TACR3: variants seen among roughly 807,000 people sequenced by gnomAD.
TACR3 encodes neuromedin-K receptor.
A neutral mutation model predicts 35.0 loss-of-function variants in TACR3; 34 were observed. The observed-to-expected ratio is 0.97, with a 90% CI of 0.74 to 1.30. The LOEUF (loss-of-function observed/expected upper bound fraction) is 1.30. TACR3 is among the 50% of genes most tolerant of loss of function. The probability of loss-of-function intolerance (pLI) is 0.00; values close to 1 mark genes in which losing one functional copy is unlikely to be tolerated. For missense variants in TACR3, 558 were observed against 591.7 expected (o/e 0.94, Z 0.59); for synonymous variants, 233 against 221.1 (o/e 1.05, Z -0.48).
At chr4:103,638,354 T>G (rs1725248451) in intron 3 of TACR3, among the ~76,000 whole-genome samples, 1 of 151,954 alleles carries the variant, frequency 6.6e-6, no homozygotes, top group Non-Finnish European at 1.5e-5. Flanking sequence ...ATTCCCTATT[T>G]AATCAATGGT....
intron 1 of TACR3, among the ~76,000 whole-genome samples, chr4:103,670,732 T>C: frequency 6.6e-6 from 1 of 152,146 alleles, no homozygotes; most frequent in Middle Eastern, 3.4e-3. Flanking sequence ...AGTCTTTAGG[T>C]TTTCTAAATA....
At chr4:103,611,032 G>C (rs910231340) in intron 3 of TACR3, among the ~76,000 whole-genome samples, 6 of 152,012 alleles carry the variant, frequency 3.9e-5, no homozygotes, top group African/African-American at 1.4e-4. Flanking sequence ...TTTGTTTTTA[G>C]TATATTTTAA....
In TACR3 at chr4:103,719,452, G is replaced by A. The variant is rs756497125; in HGVS notation, c.224C>T (p.Thr75Ile). The A allele has an allele frequency of 3.7e-6, 6 of 1,614,270 alleles. No individual in the cohort carries two copies. The highest frequency in any genetic ancestry group is 5.1e-6 in the Non-Finnish European group (6 of 1,180,044). ...PAPSQPWANL[T>I]NQFVQPSWRI... is the part of the protein sequence containing the mutation. ...CCAGGACGGCTGCACGAACTGGTTG[G>A]TGAGGTTGGCCCAGGGCTGGGAGGG... is the stretch of plus-strand genomic sequence containing the variant. Residue 75 changes from threonine to isoleucine, a missense_variant, in exon 1 of 5, where the codon ACC becomes ATC. Coordinates refer to ENST00000304883, the MANE Select transcript of TACR3 (RefSeq NM_001059.3).
At position 103,644,082 on chromosome 4, in the gene TACR3, C is replaced by T. The variant is rs964877156; in HGVS notation, c.888+12112G>A. 1.1e-4 allele frequency among the ~76,000 whole-genome samples: 16 copies of T among 151,666 alleles called. 1 individual carries two copies. Among genetic ancestry groups the T allele is most frequent in the African/African-American group, 3.9e-4 (16 of 41,342 alleles). On this transcript the variant is annotated intron_variant, in intron 3 of 4. Transcript: ENST00000304883. ...GGCCTTTCAAAGTGTTTCACATTTA[C>T]TGCCACACATAGAGAGCAGGATTTA...
At chr4:103,591,891 T>G (rs1299036404) in intron 3 of TACR3, among the ~76,000 whole-genome samples, 1 of 152,112 alleles carries the variant, frequency 6.6e-6, no homozygotes, top group Non-Finnish European at 1.5e-5. Context: ...CATTTCTACC[T>G]ATCTAAGTGA....
rs574393317 is a variant in TACR3, at chr4:103,604,542, G to A, written c.889-12859C>T. ...AACAAAAGCCAAAATTGACAAATGG[G>A]ATCTAAATTAAACTAAAGAGCTTCT... On this transcript the variant is annotated intron_variant, in intron 3 of 4. Transcript: ENST00000304883. Among the ~76,000 whole-genome samples, 28 of 152,204 alleles carry A rather than the reference G, an allele frequency of 1.8e-4. No homozygotes were observed. The South Asian group carries it at 5.8e-3, about 32-fold the overall frequency.
In TACR3 at chr4:103,589,974, C is replaced by G. The variant is rs762990793; in HGVS notation, c.1106G>C (p.Arg369Thr). Reference protein sequence around the residue: ...LNKRFRAGFKRAFRWCPFIKV... With the variant: ...LNKRFRAGFKTAFRWCPFIKV... ...GATGAAAGGACACCAGCGAAATGCTCTCTTGAAGCCAGCTCGAAATCTGAG... is the reference window on the plus strand; with the variant it reads ...GATGAAAGGACACCAGCGAAATGCTGTCTTGAAGCCAGCTCGAAATCTGAG... Residue 369 changes from arginine to threonine, a missense_variant, in exon 5 of 5, where the codon AGA becomes ACA. Coordinates refer to ENST00000304883, the MANE Select transcript of TACR3 (RefSeq NM_001059.3). 6.2e-7 allele frequency: 1 copy of G among 1,613,702 alleles called. No homozygotes were observed.
intron 3 of TACR3, among the ~76,000 whole-genome samples, chr4:103,611,320 A>C (rs1415366168): frequency 6.6e-6 from 1 of 152,072 alleles, no homozygotes; most frequent in Non-Finnish European, 1.5e-5. Context: ...CATAGTTTTT[A>C]TTGTAGAGAT....
chr4:103,615,336 C>T (rs561117765), intron 3 of TACR3, among the ~76,000 whole-genome samples: 1 of 151,404 alleles, frequency 6.6e-6, no homozygotes, highest in Admixed American at 6.6e-5. Flanking sequence ...GGAGTTAAAG[C>T]AGTTAAAACA....
intron 1 of TACR3, among the ~76,000 whole-genome samples, chr4:103,700,589 G>A (rs1722626378): frequency 6.6e-6 from 1 of 152,052 alleles, no homozygotes; most frequent in South Asian, 2.1e-4. Context: ...CAATTCTGGG[G>A]GAAATTATTT....
intron 1 of TACR3, among the ~76,000 whole-genome samples, chr4:103,712,830 T>C (rs1723001863): frequency 6.6e-6 from 1 of 152,182 alleles, no homozygotes; most frequent in Admixed American, 6.5e-5. Context: ...GAACAGACAC[T>C]TCTCAAAAGA....
In TACR3 at chr4:103,587,207, T is replaced by G. The variant is rs1723785327; in HGVS notation, c.*2475A>C. On this transcript the variant is annotated 3_prime_UTR_variant, in exon 5 of 5. Coordinates refer to ENST00000304883, the MANE Select transcript of TACR3 (RefSeq NM_001059.3). ...TTTGTGCATTATTCTGTAATTCTTA[T>G]TGTCAAAATGCAGACAAAAGAGTGA... 6.6e-6 allele frequency: 1 copy of G among 152,150 alleles called. No homozygotes were observed. The highest frequency in any genetic ancestry group is 1.5e-5 in the Non-Finnish European group (1 of 68,022). 9.4% of individuals were successfully genotyped at this position (152,150 alleles called of 1,614,324 possible).
intron 3 of TACR3, among the ~76,000 whole-genome samples, chr4:103,592,671 C>T (rs1723920567): frequency 6.6e-6 from 1 of 152,100 alleles, no homozygotes; most frequent in Non-Finnish European, 1.5e-5. Flanking sequence ...AATTTTGAAG[C>T]TTACCTGCAG....
At chr4:103,650,358 T>C (rs1456662114) in intron 3 of TACR3, among the ~76,000 whole-genome samples, 1 of 150,582 alleles carries the variant, frequency 6.6e-6, no homozygotes, top group African/African-American at 2.4e-5. Context: ...ATACCTAATG[T>C]AAATGATGAG....
chr4:103,638,252 A>G (rs1301998443), intron 3 of TACR3, among the ~76,000 whole-genome samples: 1 of 151,278 alleles, frequency 6.6e-6, no homozygotes, highest in East Asian at 1.9e-4. Context: ...ATATAGACCA[A>G]TGGAACAGAA....
chr4:103,653,341 T>A (rs1287377138), intron 3 of TACR3, among the ~76,000 whole-genome samples: 1 of 152,084 alleles, frequency 6.6e-6, no homozygotes, highest in Non-Finnish European at 1.5e-5. Context: ...TCCTTTTTGT[T>A]CCCTCTGGGA....
At chr4:103,689,013 C>T (rs376566865) in intron 1 of TACR3, among the ~76,000 whole-genome samples, 24 of 151,900 alleles carry the variant, frequency 1.6e-4, no homozygotes, top group African/African-American at 3.6e-4. Flanking sequence ...TGTCCAACAA[C>T]GATAGACTGG....
At chr4:103,632,230 A>T (rs1451913504) in intron 3 of TACR3, among the ~76,000 whole-genome samples, 1 of 152,178 alleles carries the variant, frequency 6.6e-6, no homozygotes, top group Non-Finnish European at 1.5e-5. Context: ...GATGAGACAG[A>T]AAACATTGAA....
chr4:103,621,290 G>A (rs76827670), intron 3 of TACR3, among the ~76,000 whole-genome samples: 3 of 152,296 alleles, frequency 2.0e-5, no homozygotes, highest in South Asian at 2.1e-4. Context: ...GAATAGTTTC[G>A]CTGAGTGGGA....
Sources: allele counts gnomAD v4.1 joint callset (sites outside exome capture counted in the v4.1 genomes callset), GRCh38; gene constraint gnomAD v4.1.1; transcripts MANE v1.5; gene names NCBI Gene and HGNC (gene_info 2026-07-23, HGNC 2026-07-21).